SENP7: variants seen among roughly 807,000 people sequenced by gnomAD.
The protein encoded by SENP7 is sentrin-specific protease 7.
A neutral mutation model predicts 141.2 loss-of-function variants in SENP7; 64 were observed. The observed-to-expected ratio is 0.45, with a 90% CI of 0.37 to 0.56. The LOEUF is 0.56. Ranked by LOEUF, SENP7 falls within the 20% of genes least tolerant of loss-of-function variation. The pLI, the probability that SENP7 is intolerant of heterozygous loss-of-function variation, is 0.00. For missense variants in SENP7, 1,025 were observed against 1,212.2 expected (o/e 0.85, Z 2.29); for synonymous variants, 382 against 426.4 (o/e 0.90, Z 1.28).
chr3:101,401,519 AC>A (rs1233934580), intron 5 of SENP7, among the ~76,000 whole-genome samples: 1 of 144,822 alleles, frequency 6.9e-6, no homozygotes, highest in African/African-American at 2.6e-5. Flanking sequence ...ACAGAGCAAC[AC>A]TCCATCTCAA....
chr3:101,391,693 A>C (rs1364954761), intron 6 of SENP7, among the ~76,000 whole-genome samples: 1 of 152,070 alleles, frequency 6.6e-6, no homozygotes, highest in Non-Finnish European at 1.5e-5. Flanking sequence ...TTCTCAAACC[A>C]CTCCAAACAA....
chr3:101,431,333 C>T (rs1295566934), intron 4 of SENP7, among the ~76,000 whole-genome samples: 2 of 151,820 alleles, frequency 1.3e-5, no homozygotes, highest in Non-Finnish European at 2.9e-5. Context: ...TTGTAGGTCT[C>T]TAAGAACTTG....
At chr3:101,349,336 G>A (rs1200789399) in intron 12 of SENP7, among the ~76,000 whole-genome samples, 1 of 150,160 alleles carries the variant, frequency 6.7e-6, no homozygotes, top group Non-Finnish European at 1.5e-5. Flanking sequence ...AGGTACATTT[G>A]ATCCTATTTC....
chr3:101,360,463 C>CT (rs1475822018), intron 11 of SENP7, among the ~76,000 whole-genome samples: 1 of 152,194 alleles, frequency 6.6e-6, no homozygotes, highest in Non-Finnish European at 1.5e-5. Context: ...GTGTCTGTCT[C>CT]TTCCATTAGA....
chr3:101,493,917 G>C lies in SENP7; in HGVS notation c.142C>G (p.Leu48Val). ...KPEDVHVQSP[L>V]SKFRSSERWT... ...CGTTCTGAGCTTCTGAATTTGGACA[G>C]TGGTGATTGAACATGGACATCCTCT... The change falls in exon 3 of 24, where the codon CTG (leucine) becomes GTG (valine). Residue 48 changes from leucine to valine, a missense_variant. This residue lies in a region of SENP7 where 496 missense variants were observed against 503.5 expected (regional missense o/e 0.99). Transcript: ENST00000394095. 1 of 1,610,860 alleles carries C rather than the reference G, an allele frequency of 6.2e-7. No individual in the cohort carries two copies. The highest frequency in any genetic ancestry group is 1.1e-5 in the South Asian group (1 of 90,762).
chr3:101,424,751 T>C (rs949101605), intron 4 of SENP7, among the ~76,000 whole-genome samples: 1 of 151,988 alleles, frequency 6.6e-6, no homozygotes, highest in African/African-American at 2.4e-5. Context: ...TGGTGAACAC[T>C]CATATGAAGA....
chr3:101,371,689 T>TAA (rs2060185263), intron 7 of SENP7, among the ~76,000 whole-genome samples: 2 of 152,094 alleles, frequency 1.3e-5, no homozygotes, highest in African/African-American at 2.4e-5. Context: ...AAAAACCCAG[T>TAA]TAGCAGTAAC....
intron 1 of SENP7, among the ~76,000 whole-genome samples, chr3:101,502,674 GA>G (rs1382477708): frequency 2.0e-5 from 3 of 152,018 alleles, no homozygotes; most frequent in Non-Finnish European, 4.4e-5. Flanking sequence ...CAACACTTTG[GA>G]AGGCCAGGGC....
intron 3 of SENP7, among the ~76,000 whole-genome samples, chr3:101,488,032 C>T (rs1181581538): frequency 6.6e-6 from 1 of 152,178 alleles, no homozygotes; most frequent in Non-Finnish European, 1.5e-5. Flanking sequence ...AGCATTGAAT[C>T]TGTAGACTGC....
At chr3:101,470,096 T>A (rs1299803511) in intron 3 of SENP7, among the ~76,000 whole-genome samples, 1 of 152,162 alleles carries the variant, frequency 6.6e-6, no homozygotes, top group Non-Finnish European at 1.5e-5. Context: ...GGGAAATTTA[T>A]AGCACTAAAT....
In SENP7 at chr3:101,499,535, A is replaced by ATTTTTTTTTTTTTTTTTTTTTTTTT. The variant is rs55855998; in HGVS notation, c.90+1534_90+1535insAAAAAAAAAAAAAAAAAAAAAAAAA. On this transcript the variant is annotated intron_variant, in intron 2 of 23. Coordinates refer to ENST00000394095, the MANE Select transcript of SENP7 (RefSeq NM_020654.5). ...AGGCACCTGCCATCATGCCCAGCTA[A>ATTTTTTTTTTTTTTTTTTTTTTTTT]TTTTTTTTTTTTTTCTTGGAGACAG... is the stretch of plus-strand genomic sequence containing the variant. Among the ~76,000 whole-genome samples, 215 of 138,712 alleles carry ATTTTTTTTTTTTTTTTTTTTTTTTT rather than the reference A, an allele frequency of 1.5e-3. 6 individuals are homozygous for ATTTTTTTTTTTTTTTTTTTTTTTTT. The highest frequency in any genetic ancestry group is 3.8e-3 in the Middle Eastern group (1 of 260). The allele number at this position is 138,712 out of a possible 152,430, so 91.0% of individuals were successfully genotyped here. A position where few individuals can be genotyped will look rare whatever the true frequency, so the allele number is the denominator to read the frequency against.
At chr3:101,330,696 T>TG (rs2059025762) in intron 19 of SENP7, among the ~76,000 whole-genome samples, 1 of 152,246 alleles carries the variant, frequency 6.6e-6, no homozygotes, top group South Asian at 2.1e-4. Context: ...TGCTATTTAA[T>TG]GCAGAAGGTA....
At chr3:101,456,258 T>C (rs1364601834) in intron 4 of SENP7, among the ~76,000 whole-genome samples, 1 of 152,154 alleles carries the variant, frequency 6.6e-6, no homozygotes, top group Non-Finnish European at 1.5e-5. Flanking sequence ...TATTCAAAAA[T>C]TGGCTGAGTA....
intron 10 of SENP7, among the ~76,000 whole-genome samples, chr3:101,362,848 G>C (rs1206670932): frequency 6.6e-6 from 1 of 152,068 alleles, no homozygotes; most frequent in Non-Finnish European, 1.5e-5. Flanking sequence ...ATATAACTTT[G>C]CTTTTAAATT....
chr3:101,498,494 T>C (rs1008750813), intron 2 of SENP7, among the ~76,000 whole-genome samples: 5 of 152,082 alleles, frequency 3.3e-5, no homozygotes, highest in African/African-American at 1.2e-4. Flanking sequence ...AAACCCAAAG[T>C]GAGAGATATT....
At chr3:101,455,164 C>T (rs2107854685) in intron 4 of SENP7, among the ~76,000 whole-genome samples, 2 of 152,256 alleles carry the variant, frequency 1.3e-5, no homozygotes, top group South Asian at 4.1e-4. Flanking sequence ...TCCCTTAGCA[C>T]AGCAGCGATT....
intron 17 of SENP7, among the ~76,000 whole-genome samples, chr3:101,336,322 T>C (rs1465864426): frequency 1.3e-5 from 2 of 152,210 alleles, no homozygotes; most frequent in African/African-American, 4.8e-5. Context: ...GTTTATCCAT[T>C]AATCCTCTTC....
intron 12 of SENP7, among the ~76,000 whole-genome samples, chr3:101,349,094 G>A (rs2059547450): frequency 6.6e-6 from 1 of 152,056 alleles, no homozygotes; most frequent in Non-Finnish European, 1.5e-5. Flanking sequence ...CAGTTTAATA[G>A]CCCACTCCAA....
chr3:101,388,479 T>C (rs538511063), intron 6 of SENP7, among the ~76,000 whole-genome samples: 1 of 152,252 alleles, frequency 6.6e-6, no homozygotes, highest in South Asian at 2.1e-4. Flanking sequence ...ACACTATATA[T>C]ACACATCTAC....
Sources: gnomAD v4.1 joint callset for allele counts (sites outside exome capture counted in the v4.1 genomes callset) on GRCh38, gnomAD v4.1.1 for gene constraint, gnomAD v4.1.1 regional missense constraint, MANE v1.5 for transcripts, NCBI Gene and HGNC (gene_info 2026-07-23, HGNC 2026-07-21) for gene names.